Variants in KIAA1549 observed in about 807,000 individuals in gnomAD.
KIAA1549 encodes the protein UPF0606 protein KIAA1549.
KIAA1549 carries 70 observed loss-of-function variants against 156.4 expected under a neutral mutation model. That is an observed-to-expected ratio of 0.45 (90% CI 0.37 to 0.55). The LOEUF (loss-of-function observed/expected upper bound fraction) is 0.55, where lower values mean the gene tolerates loss of function less well. KIAA1549 is among the 20% of genes least tolerant of loss of function. The pLI is 0.00. For missense variants in KIAA1549, 2,428 were observed against 2,540.9 expected (o/e 0.96, Z 0.96); for synonymous variants, 1,103 against 1,066.4 (o/e 1.03, Z -0.67).
In KIAA1549 at chr7:138,894,538, G is replaced by A; in HGVS notation, c.3848-12C>T. On this transcript the variant is annotated splice_polypyrimidine_tract_variant and intron_variant, in intron 9 of 19. Transcript: ENST00000422774. ...CACCCTGTCGACAGCTGCAGACAAG[G>A]AAGAAAGGTCTTTCAATAATTCCTT... The A allele has an allele frequency of 6.2e-7, 1 of 1,613,430 alleles. No homozygotes were observed. The highest frequency in any genetic ancestry group is 2.2e-5 in the East Asian group (1 of 44,868).
intron 16 of KIAA1549, among the ~76,000 whole-genome samples, chr7:138,859,420 T>C (rs976084363): frequency 4.6e-5 from 7 of 152,074 alleles, no homozygotes; most frequent in African/African-American, 1.2e-4. Context: ...ATTTTGAGGG[T>C]TGTTCCTGCT....
intron 1 of KIAA1549, among the ~76,000 whole-genome samples, chr7:138,968,555 T>C (rs1814111798): frequency 6.6e-6 from 1 of 152,118 alleles, no homozygotes; most frequent in African/African-American, 2.4e-5. Context: ...GCTAAAAACC[T>C]TGTGCTCCAA....
At position 138,903,865 on chromosome 7, in the gene KIAA1549, G is replaced by GCA. The variant is rs1811931272; in HGVS notation, c.3521-130_3521-129insTG. 7 of 674,184 alleles carry GCA rather than the reference G, an allele frequency of 1.0e-5. No individual in the cohort carries two copies. In the Admixed American group the frequency reaches 1.8e-4, roughly 18 times the overall value. 41.8% of individuals were successfully genotyped at this position (674,184 alleles called of 1,614,324 possible). ...TGTGTGTGTGTGTGCGCGCGCGCGC[G>GCA]CGCGCACATATGTATTTGAAATTAA... On this transcript the variant is annotated intron_variant, in intron 7 of 19. Transcript: ENST00000422774.
At chr7:138,915,397 G>T (rs61678517) in intron 2 of KIAA1549, among the ~76,000 whole-genome samples, 2 of 151,460 alleles carry the variant, frequency 1.3e-5, no homozygotes, top group Non-Finnish European at 2.9e-5. Flanking sequence ...CACATACTAG[G>T]TGCTCAATCA....
intron 1 of KIAA1549, among the ~76,000 whole-genome samples, chr7:138,938,516 CTATAAT>C (rs1813084152): frequency 6.6e-6 from 1 of 152,166 alleles, no homozygotes; most frequent in Non-Finnish European, 1.5e-5. Flanking sequence ...CTCTAAGTGT[CTATAAT>C]TATAACTTAT....
chr7:138,856,909 G>C (rs955772450), intron 16 of KIAA1549, among the ~76,000 whole-genome samples: 2 of 152,200 alleles, frequency 1.3e-5, no homozygotes, highest in Middle Eastern at 3.4e-3. Context: ...CCCCAATATG[G>C]GCAGGCATCT....
chr7:138,926,161 C>T (rs1812711764), intron 1 of KIAA1549, among the ~76,000 whole-genome samples: 1 of 152,196 alleles, frequency 6.6e-6, no homozygotes, highest in Admixed American at 6.5e-5. Context: ...GTCTCTGTGG[C>T]TATGAAATCT....
intron 1 of KIAA1549, among the ~76,000 whole-genome samples, chr7:138,962,044 A>G (rs147926980): frequency 5.3e-5 from 8 of 152,236 alleles, no homozygotes; most frequent in Non-Finnish European, 7.4e-5. Context: ...GCAAGGATGC[A>G]CTGGAGTGTG....
intron 2 of KIAA1549, among the ~76,000 whole-genome samples, chr7:138,915,839 C>T (rs1454872866): frequency 1.3e-5 from 2 of 152,226 alleles, no homozygotes; most frequent in Non-Finnish European, 1.5e-5. Flanking sequence ...ATACACCTGT[C>T]ATGTCTCATG....
At chr7:138,882,815 C>T (rs1348125600) in intron 10 of KIAA1549, among the ~76,000 whole-genome samples, 1 of 151,886 alleles carries the variant, frequency 6.6e-6, no homozygotes, top group African/African-American at 2.4e-5. Flanking sequence ...AAAACGTGCC[C>T]CACTCAAACC....
At chr7:138,949,851 A>G (rs1813442413) in intron 1 of KIAA1549, among the ~76,000 whole-genome samples, 1 of 152,232 alleles carries the variant, frequency 6.6e-6, no homozygotes, top group African/African-American at 2.4e-5. Context: ...AGCCAACCCC[A>G]GCAGGGGCCG....
chr7:138,935,152 C>T (rs536603725), intron 1 of KIAA1549, among the ~76,000 whole-genome samples: 55 of 152,254 alleles, frequency 3.6e-4, no homozygotes, highest in Middle Eastern at 3.4e-3. Context: ...ACAATGACTG[C>T]AACCAAACAA....
chr7:138,842,658 A>C (rs906265893), intron 18 of KIAA1549, among the ~76,000 whole-genome samples: 1 of 150,458 alleles, frequency 6.6e-6, no homozygotes. Context: ...GTGCCACTGC[A>C]CTCCAGCCTG....
intron 1 of KIAA1549, among the ~76,000 whole-genome samples, chr7:138,924,868 T>C (rs943451415): frequency 1.3e-5 from 2 of 152,120 alleles, no homozygotes; most frequent in South Asian, 2.1e-4. Context: ...AGAGAAAGGT[T>C]CTCTCTTGGA....
chr7:138,864,028 T>C (rs1394888320), intron 15 of KIAA1549, among the ~76,000 whole-genome samples: 30 of 152,212 alleles, frequency 2.0e-4, no homozygotes, highest in East Asian at 1.9e-4. Context: ...GTCGGCAGTG[T>C]ACCACCAACC....
chr7:138,927,324 G>A (rs1486657253), intron 1 of KIAA1549, among the ~76,000 whole-genome samples: 2 of 152,224 alleles, frequency 1.3e-5, no homozygotes, highest in Non-Finnish European at 2.9e-5. Context: ...TACATGTGTA[G>A]ATATGTATAT....
chr7:138,845,903 C>G (rs1179136848), intron 17 of KIAA1549, among the ~76,000 whole-genome samples: 1 of 152,180 alleles, frequency 6.6e-6, no homozygotes, highest in African/African-American at 2.4e-5. Context: ...ACACCCGAGT[C>G]TGAATAACCA....
In KIAA1549 at chr7:138,861,146, G is replaced by A; in HGVS notation, c.5240C>T (p.Pro1747Leu). Residue 1747 changes from proline to leucine, a missense_variant, in exon 16 of 20, where the codon CCC (proline) becomes CTC (leucine). Coordinates refer to ENST00000422774, the MANE Select transcript of KIAA1549 (RefSeq NM_001164665.2). The part of the protein sequence containing the change: ...FYSPAQTANN[P>L]CSRYEDYGMT... ...TAGAAGGCCAGTACTTACACTGCAGGGATTGTTGGCCGTCTGGGCTGGGCT... is the reference window on the plus strand; with the variant it reads ...TAGAAGGCCAGTACTTACACTGCAGAGATTGTTGGCCGTCTGGGCTGGGCT... 1 of 1,613,790 alleles carries A rather than the reference G, an allele frequency of 6.2e-7. No individual in the cohort carries two copies. The highest frequency in any genetic ancestry group is 1.1e-5 in the South Asian group (1 of 91,064).
At chr7:138,941,916 C>A (rs913784780) in intron 1 of KIAA1549, among the ~76,000 whole-genome samples, 2 of 149,578 alleles carry the variant, frequency 1.3e-5, no homozygotes, top group African/African-American at 4.9e-5. Flanking sequence ...GCAATGAATG[C>A]CACTGAATTG....
Sources: gnomAD v4.1 joint callset for allele counts (sites outside exome capture counted in the v4.1 genomes callset) on GRCh38, gnomAD v4.1.1 for gene constraint, MANE v1.5 for transcripts, NCBI Gene and HGNC (gene_info 2026-07-23, HGNC 2026-07-21) for gene names.